Variants in CAMKMT observed in about 807,000 individuals in gnomAD.
CAMKMT encodes calmodulin-lysine N-methyltransferase, also known as CaM KMT.
CAMKMT carries 53 observed loss-of-function variants against 48.0 expected under a neutral mutation model. That is an observed-to-expected ratio of 1.10 (90% CI 0.89 to 1.39). The LOEUF is 1.39. CAMKMT is among the 40% of genes most tolerant of loss of function. The probability of loss-of-function intolerance (pLI) is 0.00; values close to 1 mark genes in which losing one functional copy is unlikely to be tolerated. For synonymous variants in CAMKMT, 165 were observed against 152.3 expected (o/e 1.08, Z -0.61); for missense variants, 428 against 402.7 (o/e 1.06, Z -0.54).
intron 2 of CAMKMT, among the ~76,000 whole-genome samples, chr2:44,377,580 C>A (rs911915997): frequency 2.0e-5 from 3 of 152,028 alleles, no homozygotes; most frequent in Non-Finnish European, 4.4e-5. Flanking sequence ...ATATATGGAA[C>A]CATAGAAGTG....
At chr2:44,680,725 T>C (rs887284397) in intron 3 of CAMKMT, among the ~76,000 whole-genome samples, 16 of 152,192 alleles carry the variant, frequency 1.1e-4, no homozygotes, top group Admixed American at 2.0e-4. Flanking sequence ...CAGGACTCGC[T>C]GCAGGGGATA....
At chr2:44,621,258 C>G (rs1220176431) in intron 3 of CAMKMT, among the ~76,000 whole-genome samples, 2 of 107,922 alleles carry the variant, frequency 1.9e-5, no homozygotes, top group African/African-American at 1.0e-4. Context: ...CAGAGCGAGA[C>G]TCCATCTCAA....
chr2:44,637,270 A>G (rs1422131531), intron 3 of CAMKMT, among the ~76,000 whole-genome samples: 1 of 152,250 alleles, frequency 6.6e-6, no homozygotes, highest in East Asian at 1.9e-4. Flanking sequence ...GCAATTAGGT[A>G]TTCTTCATTT....
chr2:44,414,275 T>G (rs936760975), intron 3 of CAMKMT, among the ~76,000 whole-genome samples: 3 of 152,222 alleles, frequency 2.0e-5, no homozygotes, highest in African/African-American at 7.2e-5. Context: ...AAATATTTAT[T>G]ATCTAACAAA....
chr2:44,637,363 T>C (rs1673191591), intron 3 of CAMKMT, among the ~76,000 whole-genome samples: 1 of 152,214 alleles, frequency 6.6e-6, no homozygotes, highest in African/African-American at 2.4e-5. Flanking sequence ...ATTAAAGTTC[T>C]TATTAGTCTG....
intron 2 of CAMKMT, among the ~76,000 whole-genome samples, chr2:44,379,850 T>C (rs747555881): frequency 4.6e-5 from 7 of 152,114 alleles, no homozygotes; most frequent in Non-Finnish European, 1.0e-4. Context: ...ATTGTCAGAG[T>C]TATTTTTATA....
chr2:44,749,367 T>C (rs908247296), intron 8 of CAMKMT, among the ~76,000 whole-genome samples: 2 of 152,174 alleles, frequency 1.3e-5, no homozygotes, highest in African/African-American at 4.8e-5. Flanking sequence ...TTTAGGGACA[T>C]TGAAACTAAC....
chr2:44,383,902 A>AT (rs1175572142), intron 2 of CAMKMT, among the ~76,000 whole-genome samples: 1 of 152,072 alleles, frequency 6.6e-6, no homozygotes, highest in Non-Finnish European at 1.5e-5. Flanking sequence ...TGGTTCCACG[A>AT]TTTTGCAATT....
rs186238179 is a variant in CAMKMT, at chr2:44,736,607, G to T, written c.624-7015G>T. Among the ~76,000 whole-genome samples the T allele has an allele frequency of 6.6e-5, 10 of 152,060 alleles. No individual in the cohort carries two copies. In the East Asian group the frequency reaches 1.9e-3, roughly 29 times the overall value. On this transcript the variant is annotated intron_variant, in intron 7 of 10. Transcript: ENST00000378494. ...TATTTCTTCAAATATTTTTTCTGTT[G>T]TCTCCCTTCTCCTATTTTTTGAGAA... is the stretch of plus-strand genomic sequence containing the variant.
Position 44,453,620 on chromosome 2 carries a change from GT to G in CAMKMT, c.376+63318del, listed in dbSNP as rs200552121. On this transcript the variant is annotated intron_variant, in intron 3 of 10. Transcript: ENST00000378494. ...TAGTATAGAGAATGGATTCAGTTTG[GT>G]TTAAGCAAATTTGTATCATGTAGTT... Among the ~76,000 whole-genome samples, 102 of 152,128 alleles carry G rather than the reference GT, an allele frequency of 6.7e-4. 3 individuals are homozygous for G. The East Asian group carries it at 0.014, about 21-fold the overall frequency.
chr2:44,606,349 T>C (rs1385926421), intron 3 of CAMKMT, among the ~76,000 whole-genome samples: 2 of 152,158 alleles, frequency 1.3e-5, no homozygotes, highest in African/African-American at 2.4e-5. Flanking sequence ...AAATGACAAA[T>C]ATCTTTTTCC....
chr2:44,623,651 T>G (rs1466661516), intron 3 of CAMKMT, among the ~76,000 whole-genome samples: 6 of 152,188 alleles, frequency 3.9e-5, no homozygotes, highest in African/African-American at 1.4e-4. Flanking sequence ...TGTGGCTTTA[T>G]CTCTGTGTTC....
chr2:44,706,411 A>G (rs1677563965), intron 5 of CAMKMT, 70 bp downstream of exon 5: 2 of 1,485,850 alleles, frequency 1.3e-6, no homozygotes, highest in Non-Finnish European at 9.4e-7. Flanking sequence ...AGGGCCTCCA[A>G]CTGCTGGGTC....
intron 9 of CAMKMT, among the ~76,000 whole-genome samples, chr2:44,763,315 TA>T (rs573261357): frequency 9.6e-4 from 147 of 152,354 alleles, no homozygotes; most frequent in Non-Finnish European, 1.8e-3. Context: ...TGCTGCTCTC[TA>T]AAACCCCATC....
chr2:44,515,222 A>G (rs1364170402), intron 3 of CAMKMT, among the ~76,000 whole-genome samples: 1 of 152,236 alleles, frequency 6.6e-6, no homozygotes, highest in African/African-American at 2.4e-5. Context: ...AGGGTTTGAT[A>G]TACTGCCAGA....
chr2:44,732,023 C>T (rs1351643460), intron 7 of CAMKMT, among the ~76,000 whole-genome samples: 2 of 152,214 alleles, frequency 1.3e-5, no homozygotes, highest in Non-Finnish European at 2.9e-5. Context: ...AAGATCATAG[C>T]TCACTGTAAC....
In CAMKMT at chr2:44,603,506, A is replaced by T. The variant is rs192269267; in HGVS notation, c.377-100777A>T. On this transcript the variant is annotated intron_variant, in intron 3 of 10. Transcript: ENST00000378494. ...AATACCCCAAAATTTAGTGGCTGAA[A>T]ACAAACAAATACTTTATTTGCTTTT... Among the ~76,000 whole-genome samples, 7 of 152,344 alleles carry T rather than the reference A, an allele frequency of 4.6e-5. No homozygotes were observed. The East Asian group carries it at 1.3e-3, about 29-fold the overall frequency.
chr2:44,507,335 TCAGAAC>T (rs1670313072), intron 3 of CAMKMT, among the ~76,000 whole-genome samples: 1 of 152,234 alleles, frequency 6.6e-6, no homozygotes, highest in Admixed American at 6.5e-5. Context: ...TGACCTTCAC[TCAGAAC>T]CAGGATTGGT....
At chr2:44,451,905 T>G (rs1667308581) in intron 3 of CAMKMT, among the ~76,000 whole-genome samples, 1 of 151,842 alleles carries the variant, frequency 6.6e-6, no homozygotes, top group South Asian at 2.1e-4. Flanking sequence ...GCCAAAAACC[T>G]TATTCCATTT....
Sources: allele counts gnomAD v4.1 joint callset (sites outside exome capture counted in the v4.1 genomes callset), GRCh38; gene constraint gnomAD v4.1.1; transcripts MANE v1.5; gene names NCBI Gene and HGNC (gene_info 2026-07-23, HGNC 2026-07-21).